ERC2: variants seen among roughly 807,000 people sequenced by gnomAD.
ERC2 encodes the protein ELKS/RAB6-interacting/CAST family member 2, also known as ERC protein 2.
In ERC2, 42 loss-of-function variants were observed where a neutral mutation model predicts 114.8. The observed-to-expected ratio is 0.37, with a 90% CI of 0.29 to 0.47. ERC2 has a LOEUF of 0.47. ERC2 is among the 20% of genes least tolerant of loss of function. The pLI, the probability that ERC2 is intolerant of heterozygous loss-of-function variation, is 0.99. For synonymous variants in ERC2, 454 were observed against 425.5 expected (o/e 1.07, Z -0.82); for missense variants, 939 against 1,150.7 (o/e 0.82, Z 2.66).
At chr3:56,092,595 C>A (rs1388828538) in intron 6 of ERC2, among the ~76,000 whole-genome samples, 1 of 152,132 alleles carries the variant, frequency 6.6e-6, no homozygotes, top group Non-Finnish European at 1.5e-5. Flanking sequence ...TTTTTATGCT[C>A]ACTATAAAAC....
At chr3:56,046,958 G>A (rs141435285) in intron 7 of ERC2, among the ~76,000 whole-genome samples, 4 of 152,252 alleles carry the variant, frequency 2.6e-5, no homozygotes, top group African/African-American at 7.2e-5. Context: ...GATTCATTCC[G>A]CTAGTGGAAA....
chr3:55,799,100 G>A (rs1469164354), intron 14 of ERC2, among the ~76,000 whole-genome samples: 1 of 152,108 alleles, frequency 6.6e-6, no homozygotes, highest in Non-Finnish European at 1.5e-5. Context: ...AGCAGGGCTA[G>A]TAGGGGCCAT....
intron 6 of ERC2, among the ~76,000 whole-genome samples, chr3:56,115,727 C>T (rs1308301501): frequency 6.6e-6 from 1 of 152,084 alleles, no homozygotes; most frequent in African/African-American, 2.4e-5. Flanking sequence ...TGCTGACCCT[C>T]CAAACAACTA....
At chr3:55,741,765 A>G (rs1438053640) in intron 14 of ERC2, among the ~76,000 whole-genome samples, 2 of 152,210 alleles carry the variant, frequency 1.3e-5, no homozygotes, top group Non-Finnish European at 2.9e-5. Flanking sequence ...GGAAGCCCAC[A>G]TATACTAGGA....
intron 3 of ERC2, among the ~76,000 whole-genome samples, chr3:56,249,675 G>A (rs1274093304): frequency 1.3e-5 from 2 of 151,236 alleles, no homozygotes; most frequent in Non-Finnish European, 2.9e-5. Flanking sequence ...ATCTGAAAAT[G>A]TCATAGCAAT....
intron 3 of ERC2, among the ~76,000 whole-genome samples, chr3:56,218,390 T>C (rs2049647655): frequency 6.6e-6 from 1 of 152,088 alleles, no homozygotes; most frequent in Non-Finnish European, 1.5e-5. Context: ...CATGAAAAAA[T>C]GCTCATCATC....
chr3:55,760,089 G>A (rs1354092028), intron 14 of ERC2, among the ~76,000 whole-genome samples: 3 of 152,170 alleles, frequency 2.0e-5, no homozygotes, highest in Non-Finnish European at 2.9e-5. Context: ...GTAGGTTTCA[G>A]TCTCGTACTT....
intron 6 of ERC2, among the ~76,000 whole-genome samples, chr3:56,100,067 G>T (rs1179792778): frequency 6.6e-6 from 1 of 152,110 alleles, no homozygotes; most frequent in African/African-American, 2.4e-5. Context: ...TCAGGAATTT[G>T]CAAAATGCTC....
At chr3:56,231,210 C>G (rs577523776) in intron 3 of ERC2, among the ~76,000 whole-genome samples, 2 of 152,298 alleles carry the variant, frequency 1.3e-5, no homozygotes, top group South Asian at 4.1e-4. Flanking sequence ...GCTCCAATAC[C>G]CTGGATGACT....
At chr3:55,812,135 G>A (rs2059742034) in intron 14 of ERC2, among the ~76,000 whole-genome samples, 2 of 152,172 alleles carry the variant, frequency 1.3e-5, no homozygotes, top group Admixed American at 1.3e-4. Context: ...TTCTGAGTTA[G>A]TTTGCTGAGG....
At chr3:55,881,075 C>A (rs1192885080) in intron 14 of ERC2, among the ~76,000 whole-genome samples, 1 of 152,182 alleles carries the variant, frequency 6.6e-6, no homozygotes, top group Non-Finnish European at 1.5e-5. Context: ...GTCCAAATTG[C>A]TAGGCACTTA....
chr3:55,985,373 G>A (rs2070529126), intron 12 of ERC2, among the ~76,000 whole-genome samples: 1 of 152,138 alleles, frequency 6.6e-6, no homozygotes, highest in Non-Finnish European at 1.5e-5. Flanking sequence ...ATTAAAGTAT[G>A]CCTTATGGAT....
intron 1 of ERC2, among the ~76,000 whole-genome samples, chr3:56,449,627 G>A (rs2062741743): frequency 6.6e-6 from 1 of 152,172 alleles, no homozygotes; most frequent in Non-Finnish European, 1.5e-5. Context: ...GATTTGGCTG[G>A]AGTCATATTT....
intron 12 of ERC2, 76 bp downstream of exon 12, chr3:55,985,901 G>T: frequency 7.7e-7 from 1 of 1,301,104 alleles, no homozygotes; most frequent in Non-Finnish European, 1.1e-6. Flanking sequence ...TCAGAAATGT[G>T]TTTGTTAAAC....
At chr3:55,634,356 T>G (rs1055392162) in intron 17 of ERC2, among the ~76,000 whole-genome samples, 4 of 152,210 alleles carry the variant, frequency 2.6e-5, no homozygotes, top group Non-Finnish European at 5.9e-5. Context: ...CTCCTACTAT[T>G]TATTGGGACC....
At chr3:55,978,036 TG>T (rs1163838692) in intron 12 of ERC2, among the ~76,000 whole-genome samples, 2 of 152,216 alleles carry the variant, frequency 1.3e-5, no homozygotes, top group African/African-American at 2.4e-5. Flanking sequence ...ATGCTGCTTC[TG>T]GGTGTAGTGC....
intron 13 of ERC2, among the ~76,000 whole-genome samples, chr3:55,906,983 T>C (rs1576133375): frequency 6.6e-6 from 1 of 152,074 alleles, no homozygotes; most frequent in Admixed American, 6.6e-5. Context: ...ATGATAGGGG[T>C]GCTTGCCTCC....
intron 14 of ERC2, among the ~76,000 whole-genome samples, chr3:55,826,484 G>A (rs2060331494): frequency 6.6e-6 from 1 of 152,182 alleles, no homozygotes; most frequent in Non-Finnish European, 1.5e-5. Context: ...CTAACAAAAA[G>A]GAATGTTAAC....
At chr3:56,091,311 A>C (rs543085816) in intron 6 of ERC2, among the ~76,000 whole-genome samples, 3 of 152,104 alleles carry the variant, frequency 2.0e-5, no homozygotes, top group Non-Finnish European at 4.4e-5. Flanking sequence ...AGGAAGGAAG[A>C]TATCAAAGAA....
Sources: allele counts gnomAD v4.1 joint callset (sites outside exome capture counted in the v4.1 genomes callset), GRCh38; gene constraint gnomAD v4.1.1; transcripts MANE v1.5; gene names NCBI Gene and HGNC (gene_info 2026-07-23, HGNC 2026-07-21).